OLFM3: variants seen among roughly 807,000 people sequenced by gnomAD.
The protein encoded by OLFM3 is noelin-3.
A neutral mutation model predicts 48.6 loss-of-function variants in OLFM3; 20 were observed. That is an observed-to-expected ratio of 0.41 (90% CI 0.29 to 0.60). The LOEUF is 0.60. OLFM3 is among the 20% of genes least tolerant of loss of function. The pLI is 0.28. For synonymous variants in OLFM3, 222 were observed against 198.1 expected (o/e 1.12, Z -1.01); for missense variants, 437 against 544.3 (o/e 0.80, Z 1.96).
At chr1:101,936,493 T>C (rs867069111) in intron 1 of OLFM3, among the ~76,000 whole-genome samples, 1 of 152,092 alleles carries the variant, frequency 6.6e-6, no homozygotes, top group Non-Finnish European at 1.5e-5. Flanking sequence ...AAACATTCCA[T>C]ACTCATGGAA....
chr1:101,907,215 G>T (rs1658583533), intron 1 of OLFM3, among the ~76,000 whole-genome samples: 2 of 152,144 alleles, frequency 1.3e-5, no homozygotes, highest in South Asian at 2.1e-4. Flanking sequence ...TCATTTACAT[G>T]CAGTAAAAGG....
intron 1 of OLFM3, among the ~76,000 whole-genome samples, chr1:101,907,312 C>A (rs1161843421): frequency 6.6e-6 from 1 of 152,192 alleles, no homozygotes; most frequent in African/African-American, 2.4e-5. Context: ...ATTATTGGGA[C>A]TATTTATATA....
intron 1 of OLFM3, among the ~76,000 whole-genome samples, chr1:101,896,488 C>CTTT (rs35260761): frequency 0.015 from 1,121 of 76,738 alleles, 7 homozygotes; most frequent in East Asian, 0.026. Flanking sequence ...TGCTTACACA[C>CTTT]TTTTTTTTTT....
At chr1:101,856,964 G>T (rs2100956604) in intron 1 of OLFM3, among the ~76,000 whole-genome samples, 1 of 152,050 alleles carries the variant, frequency 6.6e-6, no homozygotes, top group African/African-American at 2.4e-5. Context: ...CAGTGGAAAA[G>T]ATAATGCTTG....
chr1:101,889,722 T>C (rs1157314987), intron 1 of OLFM3, among the ~76,000 whole-genome samples: 1 of 152,078 alleles, frequency 6.6e-6, no homozygotes. Flanking sequence ...CTAGCATAGA[T>C]AACATATATA....
intron 1 of OLFM3, chr1:101,893,181 G>C (rs751714119): frequency 1.4e-5 from 4 of 290,022 alleles, no homozygotes; most frequent in Admixed American, 1.1e-4. Context: ...AGATTTATAT[G>C]ATGCTGCAAC....
At chr1:101,914,156 G>T (rs1470908427) in intron 1 of OLFM3, among the ~76,000 whole-genome samples, 3 of 152,066 alleles carry the variant, frequency 2.0e-5, no homozygotes, top group African/African-American at 4.8e-5. Flanking sequence ...ATTATATGTT[G>T]TAGTGAACTA....
chr1:101,847,880 G>A (rs532309961), intron 1 of OLFM3, among the ~76,000 whole-genome samples: 1 of 152,192 alleles, frequency 6.6e-6, no homozygotes, highest in South Asian at 2.1e-4. Context: ...CAGGAAGTCT[G>A]GGATCTAGTA....
intron 1 of OLFM3, among the ~76,000 whole-genome samples, chr1:101,867,555 T>C (rs376076877): frequency 6.6e-6 from 1 of 152,284 alleles, no homozygotes; most frequent in African/African-American, 2.4e-5. Context: ...GTTTTCTGTT[T>C]TCTGAGGCAG....
intron 5 of OLFM3, among the ~76,000 whole-genome samples, chr1:101,805,241 A>G (rs1430483862): frequency 6.6e-6 from 1 of 151,800 alleles, no homozygotes; most frequent in Non-Finnish European, 1.5e-5. Context: ...ACACCTGATA[A>G]ATAATGCCAT....
At chr1:101,879,103 A>G (rs1657414544) in intron 1 of OLFM3, among the ~76,000 whole-genome samples, 1 of 151,900 alleles carries the variant, frequency 6.6e-6, no homozygotes, top group South Asian at 2.1e-4. Context: ...AAGAAAAACT[A>G]TGAAACTTCT....
At chr1:101,905,707 T>C (rs1462460493) in intron 1 of OLFM3, among the ~76,000 whole-genome samples, 1 of 152,062 alleles carries the variant, frequency 6.6e-6, no homozygotes, top group Non-Finnish European at 1.5e-5. Flanking sequence ...TTGTGATTGG[T>C]CATTAATGCC....
chr1:101,950,671 C>T (rs1467875614), intron 1 of OLFM3, among the ~76,000 whole-genome samples: 1 of 152,002 alleles, frequency 6.6e-6, no homozygotes, highest in Non-Finnish European at 1.5e-5. Flanking sequence ...GTCTTGATCT[C>T]CTGACCTCGT....
intron 1 of OLFM3, among the ~76,000 whole-genome samples, chr1:101,968,114 C>G (rs1460703312): frequency 1.3e-5 from 2 of 152,168 alleles, no homozygotes; most frequent in African/African-American, 4.8e-5. Context: ...GAGTGGCTTA[C>G]CATTCTGCCT....
intron 1 of OLFM3, among the ~76,000 whole-genome samples, chr1:101,965,799 C>T (rs991832002): frequency 2.6e-5 from 4 of 152,124 alleles, no homozygotes; most frequent in African/African-American, 9.7e-5. Context: ...CATATATTTT[C>T]AATTTGCACC....
intron 1 of OLFM3, among the ~76,000 whole-genome samples, chr1:101,891,207 T>TA (rs1657980366): frequency 6.6e-6 from 1 of 151,996 alleles, no homozygotes; most frequent in Non-Finnish European, 1.5e-5. Flanking sequence ...CTAGAGATTT[T>TA]AAATTTGCAC....
chr1:101,872,165 T>C (rs1226907263), intron 1 of OLFM3, among the ~76,000 whole-genome samples: 1 of 152,062 alleles, frequency 6.6e-6, no homozygotes, highest in East Asian at 1.9e-4. Context: ...AGTTCAGAGA[T>C]GTTGAAAAGA....
rs1226196989 is a variant in OLFM3 at position 101,881,753 on chromosome 1, A to G, written c.70-44728T>C. Among the ~76,000 whole-genome samples, 3 of 151,688 alleles carry G rather than the reference A, an allele frequency of 2.0e-5. No individual in the cohort carries two copies. In the Admixed American group the frequency reaches 2.0e-4, roughly 10 times the overall value. ...TGAGGCGAATTACAAAAGTCCAGCC[A>G]CTGTCATCCTCCTGAGTTATTTTGA... is the stretch of plus-strand genomic sequence containing the variant. On this transcript the variant is annotated intron_variant, in intron 1 of 5. Coordinates refer to ENST00000370103, the MANE Select transcript of OLFM3 (RefSeq NM_058170.4).
rs566527791 is a variant in OLFM3 at position 101,928,092 on chromosome 1, G to T, written c.69+68656C>A. ...AGAAGGCACTTAATAAATATTTTTT[G>T]AATGAATGAATCAAAACATTAAAGA... On this transcript the variant is annotated intron_variant, in intron 1 of 5. Transcript: ENST00000370103. 2.6e-5 allele frequency among the ~76,000 whole-genome samples: 4 copies of T among 152,082 alleles called. No individual in the cohort carries two copies. The South Asian group carries it at 8.3e-4, about 32-fold the overall frequency.
Sources: allele counts gnomAD v4.1 joint callset (sites outside exome capture counted in the v4.1 genomes callset), GRCh38; gene constraint gnomAD v4.1.1; transcripts MANE v1.5; gene names NCBI Gene and HGNC (gene_info 2026-07-23, HGNC 2026-07-21).